The following AKT1 variants were observed in gnomAD, a reference collection of about 807,000 sequenced individuals.
AKT1 encodes the protein RAC-alpha serine/threonine-protein kinase.
A neutral mutation model predicts 63.1 loss-of-function variants in AKT1; 21 were observed. That is an observed-to-expected ratio of 0.33 (90% CI 0.24 to 0.48). AKT1 has a LOEUF of 0.48. AKT1 is among the 20% of genes least tolerant of loss of function. The pLI, the probability that AKT1 is intolerant of heterozygous loss-of-function variation, is 0.99. For missense variants in AKT1, 382 were observed against 666.0 expected, an observed-to-expected ratio of 0.57 and a Z score of 4.69; for synonymous variants, 257 against 253.1, an observed-to-expected ratio of 1.02 and a Z score of -0.15.
Position 104,770,255 on chromosome 14 carries a change from G to A in AKT1, c.*86C>T, listed in dbSNP as rs553657544. ...CGTGGCTTCTCTCAAATGCACCCGA[G>A]AAATAAAAACCATTAAATACAGATC... On this transcript the variant is annotated 3_prime_UTR_variant, in exon 15 of 15. Coordinates refer to ENST00000649815, the MANE Select transcript of AKT1 (RefSeq NM_001382430.1). 90 of 1,437,586 alleles carry A rather than the reference G, an allele frequency of 6.3e-5. No individual in the cohort carries two copies. In the Middle Eastern group the frequency reaches 1.5e-3, roughly 25 times the overall value. The allele number at this position is 1,437,586 out of a possible 1,614,324, so 89.1% of individuals were successfully genotyped here. A position where few individuals can be genotyped will look rare whatever the true frequency, so the allele number is the denominator to read the frequency against.
In AKT1 at chr14:104,769,565, T is replaced by TCAAGTGCTAC. The variant is rs1566814345; in HGVS notation, c.*766_*775dup. The TCAAGTGCTAC allele has an allele frequency of 9.4e-6, 5 of 532,544 alleles. No homozygotes were observed. The highest frequency in any genetic ancestry group is 7.7e-5 in the South Asian group (5 of 65,048). The allele number at this position is 532,544 out of a possible 1,614,324, so 33.0% of individuals were successfully genotyped here. A position where few individuals can be genotyped will look rare whatever the true frequency, so the allele number is the denominator to read the frequency against. ...GCGGAAAGGTTAAGCGTCGAAAAGG[T>TCAAGTGCTAC]CAAGTGCTACCGTGGAGAGATCATC... On this transcript the variant is annotated 3_prime_UTR_variant, in exon 15 of 15. Coordinates refer to ENST00000649815, the MANE Select transcript of AKT1 (RefSeq NM_001382430.1).
At chr14:104,775,287 G>A (rs887006168) in intron 6 of AKT1, 80 bp from the exon 7 acceptor site, 1 of 1,594,224 alleles carries the variant, frequency 6.3e-7, no homozygotes, top group Non-Finnish European at 8.5e-7. Flanking sequence ...GGCATGAGGG[G>A]CCCCAGAGTC....
At chr14:104,775,946 G>C in intron 5 of AKT1, 147 bp from the exon 6 acceptor site, 3 of 943,126 alleles carry the variant, frequency 3.2e-6, no homozygotes, top group Non-Finnish European at 4.7e-6. Flanking sequence ...ACTTGACCTG[G>C]TCTGGCCACA....
intron 3 of AKT1, among the ~76,000 whole-genome samples, chr14:104,783,725 T>C (rs1293454386): frequency 6.6e-6 from 1 of 152,076 alleles, no homozygotes; most frequent in African/African-American, 2.4e-5. Context: ...CCGCCCAGCA[T>C]TCAGGCCCAG....
At position 104,775,170 on chromosome 14, in the gene AKT1, T is replaced by G; in HGVS notation, c.473A>C (p.Lys158Thr). Reference sequence around the variant, plus strand: ...CAGGATCACCTTGCCGAAAGTGCCCTTGCCCAGCAGCTTCAGGTACTCAAA... The same window carrying G: ...CAGGATCACCTTGCCGAAAGTGCCCGTGCCCAGCAGCTTCAGGTACTCAAA... ...NEFEYLKLLG[K>T]GTFGKVILVK... The change falls in exon 7 of 15, where the codon AAG becomes ACG. Residue 158 changes from lysine to threonine, a missense_variant. This residue lies in a region of AKT1 where 226 missense variants were observed against 366.4 expected (regional missense o/e 0.62). Coordinates refer to ENST00000649815, the MANE Select transcript of AKT1 (RefSeq NM_001382430.1). 6.2e-7 allele frequency: 1 copy of G among 1,614,100 alleles called. No individual in the cohort carries two copies. Among genetic ancestry groups the G allele is most frequent in the South Asian group, 1.1e-5 (1 of 91,086 alleles).
chr14:104,779,461 C>T (rs1036067384), intron 4 of AKT1, among the ~76,000 whole-genome samples: 1 of 152,234 alleles, frequency 6.6e-6, no homozygotes, highest in African/African-American at 2.4e-5. Flanking sequence ...CAAGGAGAGG[C>T]CCTGATGGGC....
intron 2 of AKT1, 26 bp from the exon 3 acceptor site, chr14:104,792,748 G>A: frequency 7.1e-7 from 1 of 1,412,414 alleles, no homozygotes; most frequent in Non-Finnish European, 9.9e-7. Context: ...GAAGCTGAAT[G>A]TGAGGCCACG....
intron 3 of AKT1, among the ~76,000 whole-genome samples, chr14:104,786,725 A>G (rs928944388): frequency 6.6e-6 from 1 of 152,006 alleles, no homozygotes; most frequent in African/African-American, 2.4e-5. Context: ...CCAGCTGTGG[A>G]GGGTGCTCCT....
intron 3 of AKT1, among the ~76,000 whole-genome samples, chr14:104,783,840 G>A (rs899685214): frequency 6.6e-6 from 1 of 152,206 alleles, no homozygotes; most frequent in African/African-American, 2.4e-5. Flanking sequence ...GAGCAGGCAG[G>A]GTCCCAGTGC....
intron 5 of AKT1, 121 bp downstream of exon 5, chr14:104,776,538 C>G: frequency 1.2e-6 from 1 of 811,384 alleles, no homozygotes; most frequent in Non-Finnish European, 1.9e-6. Flanking sequence ...TGAGGAGGGC[C>G]TGGGAGCACT....
At chr14:104,777,536 C>G in intron 4 of AKT1, 1 of 1,012,528 alleles carries the variant, frequency 9.9e-7, no homozygotes, top group Non-Finnish European at 1.2e-6. Context: ...CACAGCCACA[C>G]CTGGGGCACA....
At chr14:104,789,678 T>C (rs1893524502) in intron 3 of AKT1, among the ~76,000 whole-genome samples, 1 of 152,132 alleles carries the variant, frequency 6.6e-6, no homozygotes, top group South Asian at 2.1e-4. Flanking sequence ...AGACCACCAA[T>C]GGCCAGAGCT....
intron 2 of AKT1, 79 bp downstream of exon 2, chr14:104,793,048 C>T: frequency 3.1e-6 from 1 of 326,384 alleles, no homozygotes; most frequent in Non-Finnish European, 5.8e-6. Flanking sequence ...TGCTGCCTTG[C>T]TCACCTCCCC....
intron 3 of AKT1, among the ~76,000 whole-genome samples, chr14:104,788,670 GC>G (rs367707548): frequency 1.9e-4 from 29 of 152,038 alleles, no homozygotes; most frequent in African/African-American, 6.3e-4. Context: ...CTGCCTCAGT[GC>G]CCCCCCGCAG....
chr14:104,777,906 C>G (rs536767480), intron 4 of AKT1: 1 of 158,148 alleles, frequency 6.3e-6, no homozygotes, highest in African/African-American at 2.4e-5. Context: ...CCCCGGCACA[C>G]CCACCTCCCA....
At chr14:104,789,503 G>A (rs558753556) in intron 3 of AKT1, among the ~76,000 whole-genome samples, 3 of 152,368 alleles carry the variant, frequency 2.0e-5, no homozygotes, top group African/African-American at 7.2e-5. Context: ...CTGGCACGGA[G>A]CTATCAAAGG....
intron 3 of AKT1, among the ~76,000 whole-genome samples, chr14:104,789,302 G>A (rs1566825358): frequency 6.6e-6 from 1 of 152,256 alleles, no homozygotes; most frequent in Non-Finnish European, 1.5e-5. Flanking sequence ...TGGACGGGGG[G>A]ACGCTCAGGA....
intron 4 of AKT1, chr14:104,777,280 GCA>G (rs1892776299): frequency 5.0e-6 from 1 of 200,424 alleles, no homozygotes; most frequent in South Asian, 5.7e-5. Context: ...CACACCTGGG[GCA>G]CAGCCACACC....
At position 104,773,030 on chromosome 14, in the gene AKT1, G is replaced by A. The variant is rs144088506; in HGVS notation, c.1020C>T (p.Tyr340=). The change falls in exon 12 of 15, where the codon TAC becomes TAT. Residue 340 remains tyrosine (Y), a synonymous_variant. Coordinates refer to ENST00000649815, the MANE Select transcript of AKT1 (RefSeq NM_001382430.1). ...VDWWGLGVVM[Y]EMMCGRLPFY... is the part of the protein sequence containing the mutation. ...AGGGCAGGCGACCGCACATCATCTC[G>A]TACATGACCACGCCCAGCCCCCACC... 5,830 of 1,614,134 alleles carry A rather than the reference G, an allele frequency of 3.6e-3. 17 individuals carry two copies. The highest frequency in any genetic ancestry group is 4.5e-3 in the Non-Finnish European group (5,326 of 1,180,024).
Sources: gnomAD v4.1 joint callset for allele counts (sites outside exome capture counted in the v4.1 genomes callset) on GRCh38, gnomAD v4.1.1 for gene constraint, gnomAD v4.1.1 regional missense constraint, MANE v1.5 for transcripts, NCBI Gene and HGNC (gene_info 2026-07-23, HGNC 2026-07-21) for gene names.